The following BCAS3 variants were observed in gnomAD, a reference collection of about 807,000 sequenced individuals.
BCAS3 encodes the protein BCAS3 microtubule associated cell migration factor, also known as BCAS4/BCAS3 fusion.
Under a neutral mutation model 116.1 loss-of-function variants are expected in BCAS3, and 53 were observed. The ratio of observed to expected loss-of-function variants is 0.46; its 90% CI spans 0.37 to 0.57. The LOEUF (loss-of-function observed/expected upper bound fraction) is 0.57, where lower values mean the gene tolerates loss of function less well. Among genes scored for constraint, BCAS3 ranks in the 20% least tolerant of loss-of-function variants. The pLI, the probability that BCAS3 is intolerant of heterozygous loss-of-function variation, is 0.00. For synonymous variants in BCAS3, 391 were observed against 408.2 expected (o/e 0.96, Z 0.51); for missense variants, 917 against 1,165.4 (o/e 0.79, Z 3.10).
intron 6 of BCAS3, among the ~76,000 whole-genome samples, chr17:60,789,976 C>CT (rs1457396122): frequency 6.6e-6 from 1 of 151,646 alleles, no homozygotes; most frequent in Non-Finnish European, 1.5e-5. Context: ...GATGGTCTGC[C>CT]TTATATAAAG....
intron 6 of BCAS3, among the ~76,000 whole-genome samples, chr17:60,798,871 T>C (rs1046444103): frequency 2.0e-5 from 3 of 152,246 alleles, no homozygotes; most frequent in Non-Finnish European, 4.4e-5. Flanking sequence ...AATTTGGTCG[T>C]TCTGGTAGCT....
chr17:60,984,306 T>C (rs562919507), intron 14 of BCAS3, among the ~76,000 whole-genome samples: 1 of 152,328 alleles, frequency 6.6e-6, no homozygotes, highest in East Asian at 1.9e-4. Flanking sequence ...ACTTGTACTT[T>C]GATGGCTACC....
In BCAS3 at chr17:61,203,298, C is replaced by T. The variant is rs2080944868; in HGVS notation, c.2425+118734C>T. On this transcript the variant is annotated intron_variant, in intron 22 of 23. Coordinates refer to ENST00000407086, the MANE Select transcript of BCAS3 (RefSeq NM_017679.5). The surrounding 1 kb of genome is among the most constrained non-coding windows in gnomAD (Gnocchi z 5.7). Reference sequence around the variant, plus strand: ...TCAGCCTCCCGAGTTGCTGGGATTACAGGTGCCCGACACCACACCTGGCTA... The same window carrying T: ...TCAGCCTCCCGAGTTGCTGGGATTATAGGTGCCCGACACCACACCTGGCTA... Among the ~76,000 whole-genome samples the T allele has an allele frequency of 1.3e-5, 2 of 152,090 alleles. No individual in the cohort carries two copies.
At position 61,156,114 on chromosome 17, in the gene BCAS3, C is replaced by T. The variant is rs1333808370; in HGVS notation, c.2425+71550C>T. 6.6e-6 allele frequency among the ~76,000 whole-genome samples: 1 copy of T among 151,362 alleles called. No homozygotes were observed. The highest frequency in any genetic ancestry group is 6.6e-5 in the Admixed American group (1 of 15,190). On this transcript the variant is annotated intron_variant, in intron 22 of 23. Transcript: ENST00000407086. This position sits in a 1 kb window ranked among gnomAD's most constrained non-coding sequence, Gnocchi z 4.7. The stretch of plus-strand genomic sequence containing the variant: ...TTCACCTATCAGCAAATAATTTACT[C>T]GGTATGCACCACAAACAAACGCAGA...
intron 19 of BCAS3, among the ~76,000 whole-genome samples, chr17:61,059,137 C>T (rs943009026): frequency 8.5e-5 from 10 of 117,936 alleles, no homozygotes; most frequent in Non-Finnish European, 1.6e-4. Flanking sequence ...GGCTGGAGTG[C>T]GGTGGCACAA....
intron 7 of BCAS3, among the ~76,000 whole-genome samples, chr17:60,849,772 TC>T (rs2052904043): frequency 6.6e-6 from 1 of 152,090 alleles, no homozygotes; most frequent in African/African-American, 2.4e-5. Context: ...TCCTGTTCCT[TC>T]TTTCTTCTTG....
intron 16 of BCAS3, among the ~76,000 whole-genome samples, chr17:61,024,571 G>A (rs1231315915): frequency 6.6e-6 from 1 of 152,026 alleles, no homozygotes; most frequent in African/African-American, 2.4e-5. Flanking sequence ...TGCATTTTAG[G>A]ATTATGGGAC....
chr17:60,841,546 ATTTTTTTTTTTTT>A (rs754447784), intron 7 of BCAS3, among the ~76,000 whole-genome samples: 1 of 123,488 alleles, frequency 8.1e-6, no homozygotes, highest in African/African-American at 3.5e-5. Flanking sequence ...CACCTGGCTA[ATTTTTTTTTTTTT>A]TTTTTTGTAT....
At chr17:61,046,094 A>AT (rs2068307507) in intron 19 of BCAS3, among the ~76,000 whole-genome samples, 1 of 50,484 alleles carries the variant, frequency 2.0e-5, no homozygotes, top group Non-Finnish European at 3.3e-5. Context: ...ATATATATAT[A>AT]TAATATATAT....
chr17:61,389,754 G>T (rs2060035719), intron 23 of BCAS3: 1 of 152,304 alleles, frequency 6.6e-6, no homozygotes, highest in Admixed American at 6.5e-5. Context: ...CCCCTGGGTG[G>T]CTTTCCCTGC....
intron 8 of BCAS3, among the ~76,000 whole-genome samples, chr17:60,873,952 C>T (rs1295588113): frequency 1.3e-5 from 2 of 152,122 alleles, no homozygotes; most frequent in Non-Finnish European, 2.9e-5. Flanking sequence ...GATTCTCCTG[C>T]CTCAGCCTCT....
In BCAS3 at chr17:61,327,093, C is replaced by A. The variant is rs2143057354; in HGVS notation, c.2426-41234C>A. Among the ~76,000 whole-genome samples, 1 of 152,224 alleles carries A rather than the reference C, an allele frequency of 6.6e-6. No individual in the cohort carries two copies. Among genetic ancestry groups the A allele is most frequent in the South Asian group, 2.1e-4 (1 of 4,822 alleles). ...GGCCGAGGTAGGCAGATCATGAGGT[C>A]AAGAGATTGAGACCACCTGGCCAAC... On this transcript the variant is annotated intron_variant, in intron 22 of 23. Coordinates refer to ENST00000407086, the MANE Select transcript of BCAS3 (RefSeq NM_017679.5). The surrounding 1 kb of genome is among the most constrained non-coding windows in gnomAD (Gnocchi z 5.9).
At chr17:61,143,995 A>G (rs1318060412) in intron 22 of BCAS3, among the ~76,000 whole-genome samples, 2 of 152,184 alleles carry the variant, frequency 1.3e-5, no homozygotes, top group Non-Finnish European at 2.9e-5. Flanking sequence ...TTTCTGAAAT[A>G]CTAAATTCCC....
intron 22 of BCAS3, among the ~76,000 whole-genome samples, chr17:61,190,050 G>A (rs1453923458): frequency 6.6e-6 from 1 of 152,208 alleles, no homozygotes; most frequent in Non-Finnish European, 1.5e-5. Context: ...GCCAACAGGA[G>A]TCATAGGGGA....
intron 13 of BCAS3, among the ~76,000 whole-genome samples, chr17:60,940,196 C>T (rs1366312833): frequency 6.6e-6 from 1 of 152,144 alleles, no homozygotes; most frequent in African/African-American, 2.4e-5. Flanking sequence ...AGGGCAATAT[C>T]ACTGATTTCT....
At chr17:60,986,996 T>C (rs1600238553) in intron 14 of BCAS3, 1 of 152,160 alleles carries the variant, frequency 6.6e-6, no homozygotes, top group African/African-American at 2.4e-5. Flanking sequence ...TCCATTTTGA[T>C]TTTATTTATG....
At chr17:61,040,573 C>T (rs1325948163) in intron 18 of BCAS3, among the ~76,000 whole-genome samples, 1 of 152,146 alleles carries the variant, frequency 6.6e-6, no homozygotes, top group Non-Finnish European at 1.5e-5. Flanking sequence ...ATATTGACTG[C>T]ATGTTATTTG....
At chr17:60,714,225 C>G (rs2038286609) in intron 5 of BCAS3, among the ~76,000 whole-genome samples, 1 of 152,166 alleles carries the variant, frequency 6.6e-6, no homozygotes, top group South Asian at 2.1e-4. Flanking sequence ...GCCGTGGCCT[C>G]CCAAACCACT....
intron 7 of BCAS3, among the ~76,000 whole-genome samples, chr17:60,828,874 C>T (rs2050665374): frequency 6.6e-6 from 1 of 152,026 alleles, no homozygotes. Context: ...GATTTTGATC[C>T]CCAAGGGATA....
Sources: gnomAD v4.1 joint callset for allele counts (sites outside exome capture counted in the v4.1 genomes callset) on GRCh38, gnomAD v4.1.1 for gene constraint, Gnocchi (gnomAD v3.1) non-coding constraint, MANE v1.5 for transcripts, NCBI Gene and HGNC (gene_info 2026-07-23, HGNC 2026-07-21) for gene names.